The following TRPM3 variants were observed in gnomAD, a reference collection of about 807,000 sequenced individuals.
TRPM3 encodes the protein long transient receptor potential channel 3.
Under a neutral mutation model 181.2 loss-of-function variants are expected in TRPM3, and 77 were observed. That is an observed-to-expected ratio of 0.42 (90% CI 0.35 to 0.51). The LOEUF (loss-of-function observed/expected upper bound fraction) is 0.51. Among genes scored for constraint, TRPM3 ranks in the 20% least tolerant of loss-of-function variants. The probability of loss-of-function intolerance (pLI) is 0.01; values close to 1 mark genes in which losing one functional copy is unlikely to be tolerated. For synonymous variants in TRPM3, 745 were observed against 796.4 expected (o/e 0.94, Z 1.09); for missense variants, 1,759 against 2,196.7 (o/e 0.80, Z 3.98).
chr9:70,968,621 T>C (rs2133894365), intron 1 of TRPM3, among the ~76,000 whole-genome samples: 1 of 152,280 alleles, frequency 6.6e-6, no homozygotes, highest in Non-Finnish European at 1.5e-5. Context: ...GTCTGTGAAA[T>C]TGTTGTACTG....
intron 15 of TRPM3, 136 bp downstream of exon 15, chr9:70,621,108 T>C: frequency 9.3e-6 from 2 of 215,300 alleles, no homozygotes; most frequent in East Asian, 1.4e-4. Flanking sequence ...ATAGTATATA[T>C]ATATTATATA....
At chr9:70,791,746 T>G (rs2085463736) in intron 6 of TRPM3, among the ~76,000 whole-genome samples, 1 of 152,134 alleles carries the variant, frequency 6.6e-6, no homozygotes, top group Non-Finnish European at 1.5e-5. Flanking sequence ...AATTGAAAAC[T>G]GATGGTGCAT....
chr9:71,043,782 T>C lies in TRPM3; in HGVS notation c.177+77396A>G, dbSNP rs532263755. On this transcript the variant is annotated intron_variant, in intron 1 of 25. Coordinates refer to ENST00000677713, the MANE Select transcript of TRPM3 (RefSeq NM_001366145.2). ...GAATGGGGACTGACAAGCGAATCTA[T>C]GTTTAACAAGCCCTTCTAGGAATTT... Among the ~76,000 whole-genome samples the C allele has an allele frequency of 3.3e-5, 5 of 152,342 alleles. 1 individual carries two copies. The South Asian group carries it at 8.3e-4, about 25-fold the overall frequency.
intron 1 of TRPM3, among the ~76,000 whole-genome samples, chr9:70,888,172 C>G (rs75315900): frequency 0.02 from 3,012 of 152,238 alleles, 53 homozygotes; most frequent in Middle Eastern, 0.048. Flanking sequence ...ATCCCCAAGT[C>G]ACTATAATGA....
intron 1 of TRPM3, among the ~76,000 whole-genome samples, chr9:71,003,337 G>A (rs1054098051): frequency 2.0e-4 from 30 of 151,470 alleles, no homozygotes; most frequent in African/African-American, 7.0e-4. Flanking sequence ...TCTATGGATG[G>A]GCATTTGGGT....
chr9:71,008,283 T>C (rs540561801), intron 1 of TRPM3, among the ~76,000 whole-genome samples: 19 of 152,026 alleles, frequency 1.2e-4, no homozygotes, highest in African/African-American at 1.9e-4. Flanking sequence ...TATACTCCCA[T>C]TAAAGAAAAG....
intron 9 of TRPM3, among the ~76,000 whole-genome samples, chr9:70,647,253 G>A (rs911246157): frequency 6.6e-6 from 1 of 151,940 alleles, no homozygotes; most frequent in Non-Finnish European, 1.5e-5. Flanking sequence ...GAAAACTTCA[G>A]GCCAATATCC....
chr9:71,021,178 C>G (rs1000090288), intron 1 of TRPM3, among the ~76,000 whole-genome samples: 6 of 152,042 alleles, frequency 3.9e-5, no homozygotes, highest in African/African-American at 1.4e-4. Context: ...CCAGGTAAAA[C>G]AAATATGTAG....
At chr9:71,440,543 T>C (rs924380248) in intron 1 of TRPM3, among the ~76,000 whole-genome samples, 1 of 152,228 alleles carries the variant, frequency 6.6e-6, no homozygotes, top group Non-Finnish European at 1.5e-5. Flanking sequence ...AGAAGCTTTT[T>C]CTCCAAATCT....
At chr9:70,777,481 C>T (rs114065963) in intron 7 of TRPM3, among the ~76,000 whole-genome samples, 231 of 152,128 alleles carry the variant, frequency 1.5e-3, no homozygotes, top group African/African-American at 5.1e-3. Flanking sequence ...CTAAGACAAA[C>T]GTATTTATTT....
intron 1 of TRPM3, among the ~76,000 whole-genome samples, chr9:71,340,707 C>T (rs544118845): frequency 6.6e-5 from 10 of 152,152 alleles, no homozygotes; most frequent in Admixed American, 2.6e-4. Flanking sequence ...AGTTGGTATA[C>T]GTACATATAT....
At chr9:70,678,139 G>A (rs2134188828) in intron 9 of TRPM3, among the ~76,000 whole-genome samples, 1 of 152,218 alleles carries the variant, frequency 6.6e-6, no homozygotes, top group South Asian at 2.1e-4. Context: ...CCGACCTTGT[G>A]GAGTGGTCCC....
At chr9:70,907,121 T>C (rs1264105008) in intron 1 of TRPM3, among the ~76,000 whole-genome samples, 1 of 152,230 alleles carries the variant, frequency 6.6e-6, no homozygotes, top group Non-Finnish European at 1.5e-5. Context: ...ATGTATGTTA[T>C]CCACTGATTC....
At chr9:71,156,607 A>C (rs990383246) in intron 1 of TRPM3, among the ~76,000 whole-genome samples, 5 of 152,138 alleles carry the variant, frequency 3.3e-5, no homozygotes, top group Non-Finnish European at 5.9e-5. Flanking sequence ...GGTTGCTACC[A>C]ATACAATCCC....
intron 1 of TRPM3, among the ~76,000 whole-genome samples, chr9:71,335,611 A>G (rs2090496937): frequency 6.6e-6 from 1 of 152,124 alleles, no homozygotes; most frequent in African/African-American, 2.4e-5. Flanking sequence ...AGAAATCAAA[A>G]CTTACCCTAA....
At chr9:70,795,464 G>T (rs1051878062) in intron 6 of TRPM3, among the ~76,000 whole-genome samples, 2 of 152,148 alleles carry the variant, frequency 1.3e-5, no homozygotes, top group Admixed American at 6.6e-5. Context: ...CTGAAAGAAG[G>T]CTCTGGCAAA....
At chr9:71,325,021 T>C (rs2089560320) in intron 1 of TRPM3, among the ~76,000 whole-genome samples, 1 of 152,054 alleles carries the variant, frequency 6.6e-6, no homozygotes, top group Non-Finnish European at 1.5e-5. Flanking sequence ...ATAAACTCAA[T>C]GTTTGAAAAC....
chr9:71,300,670 T>C (rs975341247), intron 1 of TRPM3, among the ~76,000 whole-genome samples: 3 of 152,128 alleles, frequency 2.0e-5, no homozygotes, highest in Admixed American at 2.0e-4. Context: ...AACCTTCAGT[T>C]AATTAAAGGT....
At chr9:70,903,447 C>T (rs2096414964) in intron 1 of TRPM3, among the ~76,000 whole-genome samples, 1 of 152,002 alleles carries the variant, frequency 6.6e-6, no homozygotes, top group East Asian at 1.9e-4. Context: ...GAGCTTCCAT[C>T]CATCTCCCCA....
Sources: gnomAD v4.1 joint callset for allele counts (sites outside exome capture counted in the v4.1 genomes callset) on GRCh38, gnomAD v4.1.1 for gene constraint, MANE v1.5 for transcripts, NCBI Gene and HGNC (gene_info 2026-07-23, HGNC 2026-07-21) for gene names.